Variants in DYRK4 observed in about 807,000 individuals in gnomAD.
The protein encoded by DYRK4 is dual specificity tyrosine-phosphorylation-regulated kinase 4.
In DYRK4, 64 loss-of-function variants were observed where a neutral mutation model predicts 68.3. The ratio of observed to expected loss-of-function variants is 0.94; its 90% CI spans 0.77 to 1.15. The LOEUF (loss-of-function observed/expected upper bound fraction) is 1.15. Among genes scored for constraint, DYRK4 ranks in the 50% most tolerant of loss-of-function variants. DYRK4 has a pLI of 0.00. For missense variants in DYRK4, 740 were observed against 764.7 expected, an observed-to-expected ratio of 0.97 and a Z score of 0.38; for synonymous variants, 274 against 289.9, an observed-to-expected ratio of 0.95 and a Z score of 0.56.
intron 2 of DYRK4, chr12:4,573,499 C>T (rs1215318458): frequency 1.2e-6 from 1 of 817,192 alleles, no homozygotes; most frequent in African/African-American, 1.8e-5. Context: ...GGGCATGTCT[C>T]TGAGTACAAG....
intron 10 of DYRK4, among the ~76,000 whole-genome samples, chr12:4,600,994 A>C (rs1283591155): frequency 6.6e-6 from 1 of 152,102 alleles, no homozygotes; most frequent in Non-Finnish European, 1.5e-5. Context: ...ATCACCTAAG[A>C]AGTTCCAAAG....
At position 4,562,281 on chromosome 12, in the gene DYRK4, AAAGT is replaced by A. The variant is rs1263157756; in HGVS notation, c.38+2_38+5del. 22 of 1,532,286 alleles carry A rather than the reference AAAGT, an allele frequency of 1.4e-5. No homozygotes were observed. The highest frequency in any genetic ancestry group is 1.7e-4 in the Middle Eastern group (1 of 6,004). 94.9% of individuals were successfully genotyped at this position (1,532,286 alleles called of 1,614,324 possible). On this transcript the variant is annotated splice_donor_variant and coding_sequence_variant, in exon 1 of 15. Coordinates refer to ENST00000543431, the MANE Select transcript of DYRK4 (RefSeq NM_001394779.1). LOFTEE classifies it high-confidence loss of function. ...TCCCGCCGCCTATCCGCACCGGAAC[AAAGT>A]AAGGGCCGCGGAGGCTCGTACTTCA...
At chr12:4,578,832 T>C (rs1055516862) in intron 2 of DYRK4, among the ~76,000 whole-genome samples, 3 of 152,218 alleles carry the variant, frequency 2.0e-5, no homozygotes, top group Non-Finnish European at 4.4e-5. Flanking sequence ...CTGTGTACTT[T>C]TCTCTATCCT....
chr12:4,606,988 T>C (rs556608601), intron 11 of DYRK4, among the ~76,000 whole-genome samples: 1 of 152,244 alleles, frequency 6.6e-6, no homozygotes, highest in Non-Finnish European at 1.5e-5. Context: ...TGGTGGGATA[T>C]ATCATTCTTT....
At chr12:4,586,936 TCAC>T (rs751650003) in intron 2 of DYRK4, among the ~76,000 whole-genome samples, 123 of 152,338 alleles carry the variant, frequency 8.1e-4, no homozygotes, top group Non-Finnish European at 1.6e-3. Context: ...ACTAATATTA[TCAC>T]CACATTACAT....
At chr12:4,589,497 G>A (rs552697154) in intron 3 of DYRK4, among the ~76,000 whole-genome samples, 1 of 152,222 alleles carries the variant, frequency 6.6e-6, no homozygotes, top group South Asian at 2.1e-4. Flanking sequence ...CCCAGCCTCT[G>A]ATAACCATCC....
intron 2 of DYRK4, among the ~76,000 whole-genome samples, chr12:4,584,705 A>G (rs1028829941): frequency 3.3e-5 from 5 of 151,596 alleles, no homozygotes; most frequent in Admixed American, 1.3e-4. Context: ...ACAGGCGCCC[A>G]CCACCACGCC....
At chr12:4,605,446 T>A (rs992745239) in intron 11 of DYRK4, among the ~76,000 whole-genome samples, 2 of 152,088 alleles carry the variant, frequency 1.3e-5, no homozygotes, top group Non-Finnish European at 2.9e-5. Context: ...TTCTTAAGAG[T>A]TGTGCCATGA....
intron 2 of DYRK4, among the ~76,000 whole-genome samples, chr12:4,581,848 G>C (rs978861154): frequency 6.6e-6 from 1 of 152,100 alleles, no homozygotes; most frequent in Admixed American, 6.5e-5. Flanking sequence ...AAATTCTTGG[G>C]ACCAAAAGTG....
Position 4,591,135 on chromosome 12 carries a change from A to G in DYRK4, c.325-25A>G. The G allele has an allele frequency of 6.2e-7, 1 of 1,612,246 alleles. No individual in the cohort carries two copies. Among genetic ancestry groups the G allele is most frequent in the South Asian group, 1.1e-5 (1 of 90,806 alleles). ...CCAGGAGAGTCCTAAGTAGTTATTT[A>G]TTGCAAACCTCTTTTCCTGGACAGG... On this transcript the variant is annotated intron_variant, in intron 4 of 14. Coordinates refer to ENST00000543431, the MANE Select transcript of DYRK4 (RefSeq NM_001394779.1). This position sits in a 1 kb window ranked among gnomAD's most constrained non-coding sequence, Gnocchi z 4.1.
At chr12:4,586,050 C>CAAAAAT (rs1215025268) in intron 2 of DYRK4, among the ~76,000 whole-genome samples, 2 of 151,970 alleles carry the variant, frequency 1.3e-5, no homozygotes, top group African/African-American at 2.4e-5. Flanking sequence ...CTGTCTCTAC[C>CAAAAAT]AAAAATAAAA....
intron 9 of DYRK4, 104 bp downstream of exon 9, chr12:4,599,270 C>CT (rs71061195): frequency 0.26 from 115,447 of 450,762 alleles, 10,387 homozygotes; most frequent in Admixed American, 0.33. Context: ...TTGCCTTTGA[C>CT]TTTTTTTTTT....
chr12:4,608,250 C>G (rs1256144606), intron 12 of DYRK4, among the ~76,000 whole-genome samples: 1 of 152,170 alleles, frequency 6.6e-6, no homozygotes, highest in Non-Finnish European at 1.5e-5. Flanking sequence ...ACTCCACAGA[C>G]AGGGACTCCA....
At chr12:4,566,224 A>G (rs1226434158) in intron 1 of DYRK4, among the ~76,000 whole-genome samples, 2 of 152,152 alleles carry the variant, frequency 1.3e-5, no homozygotes, top group East Asian at 3.8e-4. Flanking sequence ...TGCCAGAGAA[A>G]TGGTACCAGA....
At chr12:4,603,203 T>C (rs1357734615) in intron 10 of DYRK4, 7 of 1,150,962 alleles carry the variant, frequency 6.1e-6, no homozygotes, top group Admixed American at 3.5e-5. Flanking sequence ...GACCTCATCC[T>C]GCAAAGATTT....
chr12:4,573,258 T>C (rs1944750920), intron 2 of DYRK4: 3 of 1,226,804 alleles, frequency 2.4e-6, no homozygotes, highest in Non-Finnish European at 2.1e-6. Context: ...TACTTCTATA[T>C]AATGTCTACA....
At chr12:4,585,692 G>GAATA (rs376126059) in intron 2 of DYRK4, among the ~76,000 whole-genome samples, 1 of 152,174 alleles carries the variant, frequency 6.6e-6, no homozygotes, top group African/African-American at 2.4e-5. Context: ...ATGAGTTAAT[G>GAATA]GGTGCAGCAC....
intron 13 of DYRK4, 71 bp from the exon 14 acceptor site, chr12:4,612,472 G>A: frequency 1.4e-6 from 2 of 1,460,904 alleles, no homozygotes; most frequent in Non-Finnish European, 1.8e-6. Context: ...TCTTTATTGG[G>A]TTTTAAAAAT....
chr12:4,562,250 A>C lies in DYRK4; in HGVS notation c.5A>C (p.Gln2Pro), dbSNP rs1054641954. Residue 2 changes from glutamine (Q) to proline (P), a missense_variant, in exon 1 of 15, where the codon CAG becomes CCG. Coordinates refer to ENST00000543431, the MANE Select transcript of DYRK4 (RefSeq NM_001394779.1). Reference protein sequence around the residue: MQLLPPPIRTGT... With the variant: MPLLPPPIRTGT... ...CGGGCGGTCAGCGCCGGCCTCATGCAGCTCCTCCCGCCGCCTATCCGCACC... is the reference window on the plus strand; with the variant it reads ...CGGGCGGTCAGCGCCGGCCTCATGCCGCTCCTCCCGCCGCCTATCCGCACC... 3.3e-6 allele frequency: 5 copies of C among 1,531,920 alleles called. No homozygotes were observed. Among genetic ancestry groups the C allele is most frequent in the Non-Finnish European group, 3.5e-6 (4 of 1,145,088 alleles). 94.9% of individuals were successfully genotyped at this position (1,531,920 alleles called of 1,614,324 possible). A position where few individuals can be genotyped will look rare whatever the true frequency, so the allele number is the denominator to read the frequency against.
Sources: allele counts gnomAD v4.1 joint callset (sites outside exome capture counted in the v4.1 genomes callset), GRCh38; gene constraint gnomAD v4.1.1; non-coding constraint Gnocchi (gnomAD v3.1); transcripts MANE v1.5; gene names NCBI Gene and HGNC (gene_info 2026-07-23, HGNC 2026-07-21).